The following MSANTD3 variants were observed in gnomAD, a reference collection of about 807,000 sequenced individuals.
MSANTD3 encodes the protein myb/SANT-like DNA-binding domain-containing protein 3.
A neutral mutation model predicts 27.7 loss-of-function variants in MSANTD3; 11 were observed. The observed-to-expected ratio is 0.40, with a 90% CI of 0.25 to 0.66. The LOEUF (loss-of-function observed/expected upper bound fraction) is 0.66, where lower values mean the gene tolerates loss of function less well. Ranked by LOEUF, MSANTD3 falls within the 30% of genes least tolerant of loss-of-function variation. MSANTD3 has a pLI of 0.41. For missense variants in MSANTD3, 250 were observed against 336.5 expected (o/e 0.74, Z 2.01); for synonymous variants, 131 against 127.2 (o/e 1.03, Z -0.20).
Position 100,442,387 on chromosome 9 carries a change from C to G in MSANTD3, c.418+31C>G, listed in dbSNP as rs760723651. 1.1e-5 allele frequency: 17 copies of G among 1,568,698 alleles called. 1 individual carries two copies. The highest frequency in any genetic ancestry group is 5.7e-5 in the South Asian group (5 of 87,026). Reference sequence around the variant, plus strand: ...CGTTCCTGATGCCAGTGTGCACGCTCTCACTGGGTATCTGTTTGACATTTT... The same window carrying G: ...CGTTCCTGATGCCAGTGTGCACGCTGTCACTGGGTATCTGTTTGACATTTT... On this transcript the variant is annotated intron_variant, in intron 2 of 2. Transcript: ENST00000395067.
chr9:100,442,417 T>G, intron 2 of MSANTD3, 61 bp downstream of exon 2: 1 of 1,521,090 alleles, frequency 6.6e-7, no homozygotes, highest in South Asian at 1.3e-5. Context: ...CATTTTAATT[T>G]TAAAACCCTC....
chr9:100,430,570 C>G (rs1387800844), intron 1 of MSANTD3, among the ~76,000 whole-genome samples: 1 of 152,090 alleles, frequency 6.6e-6, no homozygotes, highest in Non-Finnish European at 1.5e-5. Flanking sequence ...ACAAGGAGGC[C>G]TGTGGCTTGA....
At chr9:100,438,276 A>C (rs1272538250) in intron 1 of MSANTD3, among the ~76,000 whole-genome samples, 2 of 152,210 alleles carry the variant, frequency 1.3e-5, no homozygotes, top group Non-Finnish European at 2.9e-5. Flanking sequence ...GGACATGCTC[A>C]TGTGCTGTTA....
chr9:100,440,717 A>G (rs1487768954), intron 1 of MSANTD3, among the ~76,000 whole-genome samples: 1 of 147,970 alleles, frequency 6.8e-6, no homozygotes, highest in African/African-American at 2.5e-5. Context: ...CAGCCTCCCA[A>G]GTAGCTGGGA....
chr9:100,430,528 C>T (rs891224178), intron 1 of MSANTD3, among the ~76,000 whole-genome samples: 1 of 152,058 alleles, frequency 6.6e-6, no homozygotes, highest in Non-Finnish European at 1.5e-5. Flanking sequence ...GGACTTTTAT[C>T]GTTTAGGCAG....
intron 2 of MSANTD3, chr9:100,449,248 CA>C: frequency 5.1e-6 from 5 of 985,374 alleles, no homozygotes; most frequent in Non-Finnish European, 6.0e-6. Flanking sequence ...ATAAAAAAAG[CA>C]GGGCAAACAT....
intron 1 of MSANTD3, among the ~76,000 whole-genome samples, chr9:100,436,676 T>G (rs1836484904): frequency 6.6e-6 from 1 of 152,210 alleles, no homozygotes; most frequent in South Asian, 2.1e-4. Flanking sequence ...TTTCTATTAA[T>G]AAGCATTAAT....
At chr9:100,433,592 G>A (rs1255264516) in intron 1 of MSANTD3, among the ~76,000 whole-genome samples, 1 of 152,076 alleles carries the variant, frequency 6.6e-6, no homozygotes, top group Admixed American at 6.6e-5. Flanking sequence ...GCCTAGGCTG[G>A]TCTTGAACCC....
intron 2 of MSANTD3, chr9:100,444,958 C>G: frequency 4.1e-6 from 2 of 485,062 alleles, no homozygotes; most frequent in Non-Finnish European, 7.3e-6. Context: ...ACACTGGGGA[C>G]TTCCCTTTTT....
chr9:100,451,191 A>G lies in MSANTD3; in HGVS notation c.*225A>G. 1 of 454,734 alleles carries G rather than the reference A, an allele frequency of 2.2e-6. No homozygotes were observed. Among genetic ancestry groups the G allele is most frequent in the South Asian group, 5.7e-5 (1 of 17,598 alleles). 28.2% of individuals were successfully genotyped at this position (454,734 alleles called of 1,614,324 possible). ...GAAAATTATCACTATGAGTGCTATA[A>G]TTCTGAATATAATGTCTCTTAATTA... On this transcript the variant is annotated 3_prime_UTR_variant, in exon 3 of 3. Coordinates refer to ENST00000395067, the MANE Select transcript of MSANTD3 (RefSeq NM_080655.3).
At chr9:100,427,709 C>T (rs1226682900) in intron 1 of MSANTD3, 1 of 152,396 alleles carries the variant, frequency 6.6e-6, no homozygotes, top group Non-Finnish European at 1.5e-5. Context: ...TCCAGGTGAC[C>T]TGCAGTACCG....
intron 1 of MSANTD3, among the ~76,000 whole-genome samples, chr9:100,437,604 C>T (rs1836504478): frequency 6.6e-6 from 1 of 152,096 alleles, no homozygotes. Flanking sequence ...AGAATGCAAC[C>T]GCAAGGCCCA....
intron 1 of MSANTD3, 39 bp from the exon 2 acceptor site, chr9:100,441,867 C>T: frequency 1.3e-6 from 2 of 1,520,048 alleles, no homozygotes; most frequent in Non-Finnish European, 1.8e-6. Flanking sequence ...ATTGTTTTTG[C>T]TGGAGTTGGT....
At chr9:100,449,634 T>C (rs974755813) in intron 2 of MSANTD3, among the ~76,000 whole-genome samples, 2 of 151,876 alleles carry the variant, frequency 1.3e-5, no homozygotes, top group Non-Finnish European at 2.9e-5. Flanking sequence ...AGGATGTGAG[T>C]AGCTTGTGGT....
Position 100,433,296 on chromosome 9 carries a change from C to T in MSANTD3, c.-34+5903C>T, listed in dbSNP as rs562682190. 5.9e-5 allele frequency among the ~76,000 whole-genome samples: 9 copies of T among 152,248 alleles called. 1 individual carries two copies. In the South Asian group the frequency reaches 1.9e-3, roughly 32 times the overall value. On this transcript the variant is annotated intron_variant, in intron 1 of 2. Transcript: ENST00000395067. ...TATATTTTTTCTTTTTCTAAAGCTCCACTCTCAGAAGCAGTGGTAGGGTTG... is the reference window on the plus strand; with the variant it reads ...TATATTTTTTCTTTTTCTAAAGCTCTACTCTCAGAAGCAGTGGTAGGGTTG...
chr9:100,430,309 A>C (rs1836341947), intron 1 of MSANTD3, among the ~76,000 whole-genome samples: 1 of 143,186 alleles, frequency 7.0e-6, no homozygotes, highest in Non-Finnish European at 1.5e-5. Context: ...GCACTTTGGG[A>C]GTGAGACTCT....
chr9:100,439,334 T>A (rs1158465774), intron 1 of MSANTD3, among the ~76,000 whole-genome samples: 1 of 152,174 alleles, frequency 6.6e-6, no homozygotes, highest in Non-Finnish European at 1.5e-5. Flanking sequence ...GATTCAAAAT[T>A]AGTGTACTGT....
chr9:100,447,969 T>C (rs779901151), intron 2 of MSANTD3, among the ~76,000 whole-genome samples: 10 of 152,124 alleles, frequency 6.6e-5, no homozygotes, highest in Non-Finnish European at 1.2e-4. Flanking sequence ...GGCGGGCCGA[T>C]TGCTTGAACT....
rs565994442 is a variant in MSANTD3, at chr9:100,448,547, A to G, written c.419-2010A>G. 4.1e-6 allele frequency: 4 copies of G among 985,348 alleles called. No homozygotes were observed. In the African/African-American group the frequency reaches 7.0e-5, roughly 17 times the overall value. The allele number at this position is 985,348 out of a possible 1,614,324, so 61.0% of individuals were successfully genotyped here. A position where few individuals can be genotyped will look rare whatever the true frequency, so the allele number is the denominator to read the frequency against. ...CTTCTCCATGGTTGGGCGTGTTGGG[A>G]GGGATGTGACCCACTGCACGTAATT... On this transcript the variant is annotated intron_variant, in intron 2 of 2. Coordinates refer to ENST00000395067, the MANE Select transcript of MSANTD3 (RefSeq NM_080655.3).
Sources: gnomAD v4.1 joint callset for allele counts (sites outside exome capture counted in the v4.1 genomes callset) on GRCh38, gnomAD v4.1.1 for gene constraint, MANE v1.5 for transcripts, NCBI Gene and HGNC (gene_info 2026-07-23, HGNC 2026-07-21) for gene names.